The following MPPED2 variants were observed in gnomAD, a reference collection of about 807,000 sequenced individuals.
The protein encoded by MPPED2 is metallophosphoesterase domain containing 2.
Under a neutral mutation model 33.0 loss-of-function variants are expected in MPPED2, and 5 were observed. That is an observed-to-expected ratio of 0.15 (90% CI 0.08 to 0.32). MPPED2 has a LOEUF of 0.32. Ranked by LOEUF, MPPED2 falls within the 10% of genes least tolerant of loss-of-function variation. MPPED2 has a pLI of 1.00. For missense variants in MPPED2, 275 were observed against 372.1 expected (o/e 0.74, Z 2.15); for synonymous variants, 136 against 141.9 (o/e 0.96, Z 0.29).
In MPPED2 at chr11:30,535,288, G is replaced by A. The variant is rs867573438; in HGVS notation, c.310+706C>T. ...CTGCTCTTTACTATATAATTCTTTCGTCTTTAGGGATTCTAAAATCTCAGA... is the reference window on the plus strand; with the variant it reads ...CTGCTCTTTACTATATAATTCTTTCATCTTTAGGGATTCTAAAATCTCAGA... On this transcript the variant is annotated intron_variant, in intron 3 of 6. Transcript: ENST00000358117. Among the ~76,000 whole-genome samples the A allele has an allele frequency of 7.9e-5, 12 of 152,108 alleles. No homozygotes were observed. In the South Asian group the frequency reaches 1.7e-3, roughly 21 times the overall value.
chr11:30,480,385 C>G (rs1951427254), intron 4 of MPPED2, among the ~76,000 whole-genome samples: 1 of 151,792 alleles, frequency 6.6e-6, no homozygotes, highest in Non-Finnish European at 1.5e-5. Context: ...GTGTGCTTAC[C>G]TTCCAATTTC....
intron 2 of MPPED2, among the ~76,000 whole-genome samples, chr11:30,547,568 A>T (rs932817561): frequency 4.6e-5 from 7 of 152,350 alleles, no homozygotes; most frequent in African/African-American, 1.7e-4. Context: ...CCATGAGCCT[A>T]TGTTCTTTGT....
rs529812046 is a variant in MPPED2, at chr11:30,428,605, G to A, written c.537-10972C>T. Among the ~76,000 whole-genome samples, 148 of 152,310 alleles carry A rather than the reference G, an allele frequency of 9.7e-4. 1 individual carries two copies. The highest frequency in any genetic ancestry group is 3.3e-3 in the African/African-American group (139 of 41,560). On this transcript the variant is annotated intron_variant, in intron 4 of 6. Transcript: ENST00000358117. ...TTGGCATGAACCAGAACTTTGTAGT[G>A]CAATGATTAAGTTAAGAGGGTTAGA...
intron 4 of MPPED2, among the ~76,000 whole-genome samples, chr11:30,470,219 C>A (rs538468360): frequency 6.6e-6 from 1 of 152,232 alleles, no homozygotes; most frequent in Non-Finnish European, 1.5e-5. Context: ...TTTTGGAAAA[C>A]CTCCCTTCAC....
intron 4 of MPPED2, among the ~76,000 whole-genome samples, chr11:30,425,948 G>A (rs1948819409): frequency 6.6e-6 from 1 of 152,140 alleles, no homozygotes; most frequent in South Asian, 2.1e-4. Context: ...CTTTTTTCAT[G>A]GCAGTCTTTT....
chr11:30,572,135 T>A (rs767028798), intron 2 of MPPED2, among the ~76,000 whole-genome samples: 4 of 152,048 alleles, frequency 2.6e-5, no homozygotes, highest in African/African-American at 9.7e-5. Context: ...AGGTATAACA[T>A]AGAAGATAGG....
intron 3 of MPPED2, among the ~76,000 whole-genome samples, chr11:30,511,931 G>A (rs1048634725): frequency 1.3e-5 from 2 of 152,154 alleles, no homozygotes; most frequent in Non-Finnish European, 2.9e-5. Context: ...GTCAATTACT[G>A]TTGTTGTCCT....
At chr11:30,539,484 G>A (rs765478974) in intron 2 of MPPED2, among the ~76,000 whole-genome samples, 12 of 152,144 alleles carry the variant, frequency 7.9e-5, no homozygotes, top group Non-Finnish European at 1.8e-4. Flanking sequence ...AAACATAGCA[G>A]CATAAAATCC....
intron 6 of MPPED2, among the ~76,000 whole-genome samples, chr11:30,412,022 G>C (rs1289269970): frequency 6.6e-6 from 1 of 151,722 alleles, no homozygotes; most frequent in African/African-American, 2.4e-5. Flanking sequence ...CAGGTGAGGG[G>C]GGAAAGGATA....
At chr11:30,548,752 G>A (rs1213281910) in intron 2 of MPPED2, among the ~76,000 whole-genome samples, 1 of 152,208 alleles carries the variant, frequency 6.6e-6, no homozygotes, top group Non-Finnish European at 1.5e-5. Flanking sequence ...TTAAATTGAA[G>A]AGGGAGAGAG....
At chr11:30,586,579 G>A (rs994679155), upstream of MPPED2, among the ~76,000 whole-genome samples, 4 of 152,196 alleles carry the variant, frequency 2.6e-5, no homozygotes, top group African/African-American at 4.8e-5. The surrounding 1 kb of genome is among the most constrained non-coding windows in gnomAD (Gnocchi z 4.8). Flanking sequence ...GGTCAAGCAG[G>A]CGGCAGGAAG....
At chr11:30,439,261 AT>A (rs1279247313) in intron 4 of MPPED2, among the ~76,000 whole-genome samples, 21 of 152,228 alleles carry the variant, frequency 1.4e-4, no homozygotes, top group Admixed American at 1.0e-3. Context: ...GCATTTGCTA[AT>A]GAGATCTGGG....
chr11:30,586,249 G>C lies in MPPED2; in HGVS notation c.-329C>G, dbSNP rs1395876035. 1 of 152,948 alleles carries C rather than the reference G, an allele frequency of 6.5e-6. No individual in the cohort carries two copies. The highest frequency in any genetic ancestry group is 1.9e-4 in the East Asian group (1 of 5,192). The allele number at this position is 152,948 out of a possible 1,614,324, so 9.5% of individuals were successfully genotyped here. On this transcript the variant is annotated 5_prime_UTR_variant, in exon 1 of 7. Coordinates refer to ENST00000358117, the MANE Select transcript of MPPED2 (RefSeq NM_001584.3). The surrounding 1 kb of genome is among the most constrained non-coding windows in gnomAD (Gnocchi z 4.8). ...GGGGCGCGGCGCTAGAGGGAGGCGG[G>C]GGGAGAAAGGACCCGAGCAGCCTCG... is the stretch of plus-strand genomic sequence containing the variant.
intron 2 of MPPED2, among the ~76,000 whole-genome samples, chr11:30,545,096 C>CATG (rs1955339201): frequency 6.6e-6 from 1 of 152,062 alleles, no homozygotes; most frequent in Admixed American, 6.6e-5. Context: ...AGGGTCTGAA[C>CATG]CTCAGGGAGT....
chr11:30,417,584 G>C lies in MPPED2; in HGVS notation c.586C>G (p.Leu196Val). ...GGGATGAGGTTCCACTTGTCCAGCA[G>C]AGACTGACCTCTGGGTAGGTTAAAG... is the stretch of plus-strand genomic sequence containing the variant. ...WGFNLPRGQS[L>V]LDKWNLIPEG... is the part of the protein sequence containing the mutation. The change falls in exon 5 of 7, where the codon CTG (leucine) becomes GTG (valine). Residue 196 changes from leucine (L) to valine (V), a missense_variant. Physicochemically the swap from Leu to Val is conservative, Grantham distance 32. Transcript: ENST00000358117. 6.2e-7 allele frequency: 1 copy of C among 1,613,472 alleles called. No homozygotes were observed. Among genetic ancestry groups the C allele is most frequent in the South Asian group, 1.1e-5 (1 of 91,068 alleles).
At chr11:30,454,736 T>C (rs1168254503) in intron 4 of MPPED2, among the ~76,000 whole-genome samples, 2 of 152,186 alleles carry the variant, frequency 1.3e-5, no homozygotes, top group Non-Finnish European at 2.9e-5. Context: ...TCCTGCTTGC[T>C]TATTCAAGAA....
At chr11:30,528,504 C>A (rs1954330889) in intron 3 of MPPED2, among the ~76,000 whole-genome samples, 1 of 152,172 alleles carries the variant, frequency 6.6e-6, no homozygotes, top group Non-Finnish European at 1.5e-5. Flanking sequence ...GTGATCCACC[C>A]TCTTTGGCTC....
At chr11:30,573,201 C>G (rs978210340) in intron 2 of MPPED2, among the ~76,000 whole-genome samples, 1 of 152,124 alleles carries the variant, frequency 6.6e-6, no homozygotes, top group Non-Finnish European at 1.5e-5. Flanking sequence ...TGAAAATTTT[C>G]TATCGCCTAA....
At chr11:30,486,470 C>G (rs1166099357) in intron 4 of MPPED2, among the ~76,000 whole-genome samples, 1 of 152,254 alleles carries the variant, frequency 6.6e-6, no homozygotes, top group East Asian at 1.9e-4. Flanking sequence ...GTTCTGAGGG[C>G]CCACCTGGTC....
Sources: gnomAD v4.1 joint callset for allele counts (sites outside exome capture counted in the v4.1 genomes callset) on GRCh38, gnomAD v4.1.1 for gene constraint, Gnocchi (gnomAD v3.1) non-coding constraint, MANE v1.5 for transcripts, NCBI Gene and HGNC (gene_info 2026-07-23, HGNC 2026-07-21) for gene names.